TBCD: variants seen among roughly 807,000 people sequenced by gnomAD.
TBCD encodes tubulin folding cofactor D.
Under a neutral mutation model 169.3 loss-of-function variants are expected in TBCD, and 105 were observed. The ratio of observed to expected loss-of-function variants is 0.62; its 90% CI spans 0.53 to 0.73. The LOEUF (loss-of-function observed/expected upper bound fraction) is 0.73, where lower values mean the gene tolerates loss of function less well. TBCD is among the 30% of genes least tolerant of loss of function. The probability of loss-of-function intolerance (pLI) is 0.00; values close to 1 mark genes in which losing one functional copy is unlikely to be tolerated. For missense variants in TBCD, 1,444 were observed against 1,600.1 expected (o/e 0.90, Z 1.66); for synonymous variants, 700 against 643.9 (o/e 1.09, Z -1.32).
chr17:82,799,455 A>AG (rs1555686980), intron 8 of TBCD, among the ~76,000 whole-genome samples: 2 of 151,680 alleles, frequency 1.3e-5, no homozygotes, highest in African/African-American at 4.8e-5. Flanking sequence ...AAAAAAAAAA[A>AG]AAAAAAAAGA....
At chr17:82,829,028 C>A (rs1330147657) in intron 13 of TBCD, among the ~76,000 whole-genome samples, 1 of 147,426 alleles carries the variant, frequency 6.8e-6, no homozygotes, top group Non-Finnish European at 1.5e-5. Flanking sequence ...CAGATATGCA[C>A]ACACGCACAC....
At chr17:82,830,579 C>T (rs753166540) in intron 13 of TBCD, 2 of 1,613,936 alleles carry the variant, frequency 1.2e-6, no homozygotes, top group East Asian at 2.2e-5. Flanking sequence ...GGAACAGCAG[C>T]AGCAGGTTCT....
chr17:82,884,251 C>T lies in TBCD; in HGVS notation c.1533+49C>T, dbSNP rs765605038. 2 of 1,509,520 alleles carry T rather than the reference C, an allele frequency of 1.3e-6. No homozygotes were observed. Among genetic ancestry groups the T allele is most frequent in the East Asian group, 4.8e-5 (2 of 41,770 alleles). The allele number at this position is 1,509,520 out of a possible 1,614,324, so 93.5% of individuals were successfully genotyped here. A position where few individuals can be genotyped will look rare whatever the true frequency, so the allele number is the denominator to read the frequency against. Reference sequence around the variant, plus strand: ...TCCTTTCCTGAAGGTGGGGGGTGGGCCTGGTCTCCCTGATGCTCCTCTGTG... The same window carrying T: ...TCCTTTCCTGAAGGTGGGGGGTGGGTCTGGTCTCCCTGATGCTCCTCTGTG... On this transcript the variant is annotated intron_variant, in intron 15 of 38. Coordinates refer to ENST00000355528, the MANE Select transcript of TBCD (RefSeq NM_005993.5). This position sits in a 1 kb window ranked among gnomAD's most constrained non-coding sequence, Gnocchi z 4.2.
At position 82,896,453 on chromosome 17, in the gene TBCD, GTTT is replaced by G. The variant is rs1014108505; in HGVS notation, c.1649+2843_1649+2845del. Among the ~76,000 whole-genome samples the G allele has an allele frequency of 5.6e-3, 516 of 91,432 alleles. 1 individual carries two copies. Among genetic ancestry groups the G allele is most frequent in the African/African-American group, 0.016 (349 of 22,446 alleles). The allele number at this position is 91,432 out of a possible 152,430, so 60.0% of individuals were successfully genotyped here. A position where few individuals can be genotyped will look rare whatever the true frequency, so the allele number is the denominator to read the frequency against. ...CCAGAGCTGGGTGGCTGTGCTGTCA[GTTT>G]TTTTTTTTTTTTTTTTTTTTTCCTT... On this transcript the variant is annotated intron_variant, in intron 17 of 38. Transcript: ENST00000355528.
At chr17:82,819,062 A>G (rs2052178797) in intron 13 of TBCD, among the ~76,000 whole-genome samples, 1 of 152,246 alleles carries the variant, frequency 6.6e-6, no homozygotes, top group Admixed American at 6.5e-5. Flanking sequence ...TGTCTCAAAA[A>G]AAAGAAAAAA....
At chr17:82,861,143 A>T (rs2056724781) in intron 13 of TBCD, among the ~76,000 whole-genome samples, 2 of 152,218 alleles carry the variant, frequency 1.3e-5, no homozygotes, top group Non-Finnish European at 2.9e-5. Flanking sequence ...GGTCAGCTGC[A>T]CGGATGCACG....
chr17:82,838,869 C>G, intron 13 of TBCD: 4 of 985,428 alleles, frequency 4.1e-6, no homozygotes, highest in Non-Finnish European at 4.8e-6. Flanking sequence ...ACAGTCGCCG[C>G]CTCATCCTGA....
At chr17:82,936,882 G>A (rs540624802) in intron 34 of TBCD, among the ~76,000 whole-genome samples, 1 of 152,248 alleles carries the variant, frequency 6.6e-6, no homozygotes, top group African/African-American at 2.4e-5. Flanking sequence ...TGTGTCGGCA[G>A]TTTCCCCCGG....
chr17:82,797,762 A>G lies in TBCD; in HGVS notation c.777A>G (p.Gln259=). Residue 259 remains glutamine (Q), a synonymous_variant, in exon 8 of 39, where the codon CAA becomes CAG. Transcript: ENST00000355528. ...ATCTTTTTTTTTTTTTTTAGGCACA[A>G]ATATTTAAACATGGAAAACGTGAAG... ...TMDGTLQALA[Q]IFKHGKREDC... is the part of the protein sequence containing the mutation. The G allele has an allele frequency of 6.4e-7, 1 of 1,569,676 alleles. No individual in the cohort carries two copies. Among genetic ancestry groups the G allele is most frequent in the Non-Finnish European group, 8.6e-7 (1 of 1,165,644 alleles).
chr17:82,771,802 T>C (rs1448367223), intron 5 of TBCD, among the ~76,000 whole-genome samples: 1 of 151,464 alleles, frequency 6.6e-6, no homozygotes, highest in Admixed American at 6.6e-5. Flanking sequence ...AAAAAAACCC[T>C]AAGACCAGCT....
rs955982805 is a variant in TBCD at position 82,903,325 on chromosome 17, C to G, written c.1731-80C>G. On this transcript the variant is annotated intron_variant, in intron 18 of 38. Transcript: ENST00000355528. The surrounding 1 kb of genome is among the most constrained non-coding windows in gnomAD (Gnocchi z 4.8). Reference sequence around the variant, plus strand: ...CCGGTTGAGGACTCGTGTGTTGTCTCCCTCACTTTCTTTTTATGAATTGAA... The same window carrying G: ...CCGGTTGAGGACTCGTGTGTTGTCTGCCTCACTTTCTTTTTATGAATTGAA... The G allele has an allele frequency of 4.4e-6, 6 of 1,358,778 alleles. No individual in the cohort carries two copies. The East Asian group carries it at 1.5e-4, about 34-fold the overall frequency. The allele number at this position is 1,358,778 out of a possible 1,614,324, so 84.2% of individuals were successfully genotyped here.
intron 13 of TBCD, among the ~76,000 whole-genome samples, chr17:82,866,796 G>C (rs917935376): frequency 6.6e-6 from 1 of 152,232 alleles, no homozygotes; most frequent in African/African-American, 2.4e-5. Context: ...CAGCCCCTCT[G>C]TGGCTCTGTC....
chr17:82,937,737 CCAGCGATA>C (rs1480354693), intron 35 of TBCD: 1 of 848,938 alleles, frequency 1.2e-6, no homozygotes, highest in African/African-American at 1.7e-5. Context: ...GGTGCGCCAG[CCAGCGATA>C]GGCACCTTGG....
intron 23 of TBCD, among the ~76,000 whole-genome samples, chr17:82,919,556 T>G (rs1551626): frequency 2.6e-5 from 4 of 151,592 alleles, no homozygotes; most frequent in African/African-American, 4.9e-5. Flanking sequence ...GGGCATTTCA[T>G]GCAGAAGAGG....
At chr17:82,924,832 CCT>C (rs1242778667) in intron 26 of TBCD, 105 bp from the exon 27 acceptor site, 2 of 850,552 alleles carry the variant, frequency 2.4e-6, no homozygotes, top group Non-Finnish European at 3.6e-6. Flanking sequence ...TCAGGCGGCT[CCT>C]CCTTTGTTCA....
intron 7 of TBCD, among the ~76,000 whole-genome samples, chr17:82,792,177 G>A (rs1357043522): frequency 2.6e-5 from 4 of 151,992 alleles, no homozygotes; most frequent in African/African-American, 9.7e-5. Context: ...GCGTGGTGGC[G>A]GGCGCCTGTA....
intron 15 of TBCD, among the ~76,000 whole-genome samples, chr17:82,887,168 T>TGTGCGC: frequency 4.0e-4 from 50 of 126,194 alleles, no homozygotes; most frequent in South Asian, 2.6e-3. Flanking sequence ...TGTGTGTGTG[T>TGTGCGC]GCGCGCGCGC....
intron 15 of TBCD, among the ~76,000 whole-genome samples, chr17:82,887,827 G>A (rs984598248): frequency 2.0e-5 from 3 of 152,244 alleles, no homozygotes; most frequent in East Asian, 1.9e-4. Flanking sequence ...CTTTACCTGC[G>A]TTTCTGTCAT....
intron 21 of TBCD, 141 bp from the exon 22 acceptor site, chr17:82,909,144 C>A: frequency 1.7e-6 from 1 of 603,914 alleles, no homozygotes; most frequent in Non-Finnish European, 2.9e-6. Flanking sequence ...GGGCCTCCGT[C>A]CTCAGCCCCC....
Sources: allele counts gnomAD v4.1 joint callset (sites outside exome capture counted in the v4.1 genomes callset), GRCh38; gene constraint gnomAD v4.1.1; non-coding constraint Gnocchi (gnomAD v3.1); transcripts MANE v1.5; gene names NCBI Gene and HGNC (gene_info 2026-07-23, HGNC 2026-07-21).